SCYL2: variants seen among roughly 807,000 people sequenced by gnomAD.
SCYL2 encodes the protein SCY1 like pseudokinase 2.
SCYL2 carries 36 observed loss-of-function variants against 100.4 expected under a neutral mutation model. The observed-to-expected ratio is 0.36, with a 90% confidence interval of 0.27 to 0.47. The LOEUF (loss-of-function observed/expected upper bound fraction) is 0.47. SCYL2 is among the 20% of genes least tolerant of loss of function. The pLI is 1.00. For synonymous variants in SCYL2, 330 were observed against 359.2 expected (o/e 0.92, Z 0.92); for missense variants, 902 against 1,083.9 (o/e 0.83, Z 2.36).
At chr12:100,304,384 T>C (rs1472557918) in intron 4 of SCYL2, among the ~76,000 whole-genome samples, 2 of 151,712 alleles carry the variant, frequency 1.3e-5, no homozygotes, top group African/African-American at 2.4e-5. Context: ...GTCCTGGTGG[T>C]GTAGGTACCT....
Position 100,339,550 on chromosome 12 carries a change from A to G in SCYL2, c.*378A>G, listed in dbSNP as rs1381542050. Reference sequence around the variant, plus strand: ...GATGGTCATTGCAAGCTCATCTATTAAGTACTATATGGTACACAGTCTATG... The same window carrying G: ...GATGGTCATTGCAAGCTCATCTATTGAGTACTATATGGTACACAGTCTATG... On this transcript the variant is annotated 3_prime_UTR_variant, in exon 18 of 18. Coordinates refer to ENST00000360820, the MANE Select transcript of SCYL2 (RefSeq NM_017988.6). 1 of 240,604 alleles carries G rather than the reference A, an allele frequency of 4.2e-6. No homozygotes were observed. The highest frequency in any genetic ancestry group is 8.1e-6 in the Non-Finnish European group (1 of 123,282). The allele number at this position is 240,604 out of a possible 1,614,324, so 14.9% of individuals were successfully genotyped here.
At chr12:100,326,345 C>G (rs545332019) in intron 11 of SCYL2, among the ~76,000 whole-genome samples, 54 of 152,190 alleles carry the variant, frequency 3.5e-4, no homozygotes, top group Non-Finnish European at 7.2e-4. Flanking sequence ...AAAAGTTTCT[C>G]AAATTCTAAT....
intron 4 of SCYL2, among the ~76,000 whole-genome samples, chr12:100,306,744 C>G (rs1261122259): frequency 6.6e-6 from 1 of 152,136 alleles, no homozygotes; most frequent in Non-Finnish European, 1.5e-5. Flanking sequence ...ATATTTAGAA[C>G]ACTCCATCGT....
chr12:100,271,790 A>C (rs1326451072), intron 1 of SCYL2, among the ~76,000 whole-genome samples: 3 of 152,256 alleles, frequency 2.0e-5, no homozygotes, highest in African/African-American at 7.2e-5. Context: ...AAGCTTGGGA[A>C]GCTGGGGAAA....
chr12:100,279,574 G>A (rs1342792306), intron 1 of SCYL2, among the ~76,000 whole-genome samples: 1 of 152,072 alleles, frequency 6.6e-6, no homozygotes, highest in Non-Finnish European at 1.5e-5. Flanking sequence ...ATGACTATTG[G>A]GTTTTGTTCT....
chr12:100,303,747 C>G (rs563659895), intron 4 of SCYL2, among the ~76,000 whole-genome samples: 55 of 152,212 alleles, frequency 3.6e-4, no homozygotes, highest in Non-Finnish European at 7.2e-4. Context: ...CAGGGACACA[C>G]TTGATGAGGC....
intron 9 of SCYL2, 148 bp from the exon 10 acceptor site, chr12:100,317,655 T>C: frequency 7.1e-7 from 1 of 1,405,700 alleles, no homozygotes; most frequent in Non-Finnish European, 9.2e-7. Flanking sequence ...ACTTGATTTG[T>C]GTGTTTTTGT....
chr12:100,268,146 G>A (rs1352259456), intron 1 of SCYL2, among the ~76,000 whole-genome samples: 1 of 152,166 alleles, frequency 6.6e-6, no homozygotes, highest in Non-Finnish European at 1.5e-5. Flanking sequence ...GCTTAAAAGC[G>A]CTATGCCTGT....
At chr12:100,331,003 A>T (rs1297097836) in intron 13 of SCYL2, among the ~76,000 whole-genome samples, 3 of 151,182 alleles carry the variant, frequency 2.0e-5, no homozygotes, top group Non-Finnish European at 4.4e-5. Context: ...TAATTTTTGT[A>T]GTTTTAGCAG....
intron 1 of SCYL2, among the ~76,000 whole-genome samples, chr12:100,272,346 A>G (rs561250596): frequency 5.9e-5 from 9 of 152,168 alleles, no homozygotes; most frequent in Non-Finnish European, 1.3e-4. Flanking sequence ...GGTTTCTTAT[A>G]TGTCAAATGG....
In SCYL2 at chr12:100,326,263, A is replaced by G. The variant is rs140063023; in HGVS notation, c.1510-359A>G. ...TGGGTGAAAATGATCACTTGGTGCA[A>G]AGAATGTAGTCCTTTTTATTATTCA... On this transcript the variant is annotated intron_variant, in intron 11 of 17. Coordinates refer to ENST00000360820, the MANE Select transcript of SCYL2 (RefSeq NM_017988.6). Among the ~76,000 whole-genome samples the G allele has an allele frequency of 2.7e-4, 41 of 152,264 alleles. No homozygotes were observed. In the East Asian group the frequency reaches 7.7e-3, roughly 29 times the overall value.
chr12:100,281,334 T>C (rs2096298168), intron 1 of SCYL2, among the ~76,000 whole-genome samples: 1 of 152,148 alleles, frequency 6.6e-6, no homozygotes, highest in African/African-American at 2.4e-5. Flanking sequence ...TTAGGAAATA[T>C]TCTTAAATGA....
intron 1 of SCYL2, among the ~76,000 whole-genome samples, chr12:100,279,449 T>C (rs899479917): frequency 1.1e-4 from 17 of 152,376 alleles, no homozygotes; most frequent in Non-Finnish European, 2.4e-4. Context: ...TACTGTTGTA[T>C]AAGTCACATC....
At chr12:100,310,306 C>T (rs942008361) in intron 4 of SCYL2, among the ~76,000 whole-genome samples, 1 of 152,148 alleles carries the variant, frequency 6.6e-6, no homozygotes, top group Admixed American at 6.5e-5. Context: ...TGGATTTTCT[C>T]TTTTTTTAAA....
chr12:100,318,028 CAAT>C (rs2096351109), intron 10 of SCYL2, 103 bp downstream of exon 10: 2 of 1,005,588 alleles, frequency 2.0e-6, no homozygotes, highest in Non-Finnish European at 2.8e-6. Flanking sequence ...ATACATAACT[CAAT>C]AGTAAATATA....
Position 100,283,044 on chromosome 12 carries a change from G to A in SCYL2, c.74G>A (p.Gly25Glu). Residue 25 changes from glycine (G) to glutamate (E), a missense_variant, in exon 2 of 18, where the codon GGA (glycine) becomes GAA (glutamate). Coordinates refer to ENST00000360820, the MANE Select transcript of SCYL2 (RefSeq NM_017988.6). ...VTADVTSAVMGNPVTREFDVG... is the reference protein window; with the variant it reads ...VTADVTSAVMENPVTREFDVG... ...GCTGATGTCACTAGTGCTGTAATGG[G>A]AAATCCTGTCACTAGAGAATTTGAT... is the stretch of plus-strand genomic sequence containing the variant. 1 of 1,612,902 alleles carries A rather than the reference G, an allele frequency of 6.2e-7. No homozygotes were observed. Among genetic ancestry groups the A allele is most frequent in the Non-Finnish European group, 8.5e-7 (1 of 1,179,142 alleles).
intron 3 of SCYL2, among the ~76,000 whole-genome samples, chr12:100,293,352 A>G (rs1052424098): frequency 3.3e-5 from 5 of 152,116 alleles, no homozygotes; most frequent in Non-Finnish European, 5.9e-5. Context: ...ATGTAATACT[A>G]TTGTGAATCC....
At chr12:100,268,230 A>G (rs1020086906) in intron 1 of SCYL2, among the ~76,000 whole-genome samples, 4 of 152,228 alleles carry the variant, frequency 2.6e-5, no homozygotes, top group Non-Finnish European at 5.9e-5. Context: ...GACACTTTCT[A>G]AAAACATTGG....
intron 2 of SCYL2, among the ~76,000 whole-genome samples, chr12:100,290,949 A>G (rs2096309832): frequency 6.6e-6 from 1 of 152,184 alleles, no homozygotes; most frequent in Non-Finnish European, 1.5e-5. Flanking sequence ...GATTTCAAAG[A>G]GAGGTGGTGG....
Sources: gnomAD v4.1 joint callset for allele counts (sites outside exome capture counted in the v4.1 genomes callset) on GRCh38, gnomAD v4.1.1 for gene constraint, MANE v1.5 for transcripts, NCBI Gene and HGNC (gene_info 2026-07-23, HGNC 2026-07-21) for gene names.